Variants in SNX29 observed in about 807,000 individuals in gnomAD.
The protein encoded by SNX29 is sorting nexin-29.
In SNX29, 78 loss-of-function variants were observed where a neutral mutation model predicts 102.1. The observed-to-expected ratio is 0.76, with a 90% CI of 0.64 to 0.92. The LOEUF (loss-of-function observed/expected upper bound fraction) is 0.92, where lower values mean the gene tolerates loss of function less well. Among genes scored for constraint, SNX29 ranks in the 40% least tolerant of loss-of-function variants. The pLI is 0.00. For missense variants in SNX29, 1,280 were observed against 1,061.7 expected, an observed-to-expected ratio of 1.21 and a Z score of -2.86; for synonymous variants, 580 against 414.5, an observed-to-expected ratio of 1.40 and a Z score of -4.85.
At chr16:12,276,760 C>G (rs745391888) in intron 14 of SNX29, among the ~76,000 whole-genome samples, 1 of 152,120 alleles carries the variant, frequency 6.6e-6, no homozygotes. Context: ...CTATCTGGTT[C>G]ATTCTCAGCT....
intron 13 of SNX29, among the ~76,000 whole-genome samples, chr16:12,164,329 G>C (rs984230884): frequency 6.6e-6 from 1 of 152,148 alleles, no homozygotes; most frequent in African/African-American, 2.4e-5. Context: ...AAGATTTCTG[G>C]TTAATAGAGT....
rs540381190 is a variant in SNX29, at chr16:12,084,802, C to T, written c.1402+5887C>T. Among the ~76,000 whole-genome samples the T allele has an allele frequency of 1.5e-3, 224 of 152,248 alleles. 1 individual carries two copies. Among genetic ancestry groups the T allele is most frequent in the Admixed American group, 4.6e-3 (70 of 15,298 alleles). The stretch of plus-strand genomic sequence containing the variant: ...TCAATAAATAGGCCGGGTGCAGTGG[C>T]GCACACCTGTAATCCCAGCACTTTG... On this transcript the variant is annotated intron_variant, in intron 11 of 20. Coordinates refer to ENST00000566228, the MANE Select transcript of SNX29 (RefSeq NM_032167.5).
At chr16:12,213,104 ACT>A (rs1236877314) in intron 14 of SNX29, among the ~76,000 whole-genome samples, 1 of 152,050 alleles carries the variant, frequency 6.6e-6, no homozygotes, top group Non-Finnish European at 1.5e-5. Flanking sequence ...ACAGAGTGAG[ACT>A]CTGTCTCAAA....
intron 10 of SNX29, among the ~76,000 whole-genome samples, chr16:12,075,412 G>T (rs2151323755): frequency 6.6e-6 from 1 of 152,306 alleles, no homozygotes; most frequent in African/African-American, 2.4e-5. Flanking sequence ...GTCTGTTGGA[G>T]TTTGCTAGAG....
rs192117324 is a variant in SNX29 at position 12,566,382 on chromosome 16, C to G, written c.2319-2124C>G. ...CTCTCCTCTCCCAACCAACAAGGCA[C>G]TGGCCTCTCCCAGGCACTCTCAGAG... On this transcript the variant is annotated intron_variant, in intron 20 of 20. Transcript: ENST00000566228. Among the ~76,000 whole-genome samples the G allele has an allele frequency of 3.3e-4, 50 of 151,180 alleles. 1 individual carries two copies. In the East Asian group the frequency reaches 5.9e-3, roughly 18 times the overall value.
At chr16:12,535,895 C>T (rs372268072) in intron 20 of SNX29, among the ~76,000 whole-genome samples, 1 of 152,166 alleles carries the variant, frequency 6.6e-6, no homozygotes, top group East Asian at 1.9e-4. Flanking sequence ...ATCTCCCCTT[C>T]TTTGAGGTTA....
chr16:12,492,459 A>C (rs1266433974), intron 19 of SNX29, among the ~76,000 whole-genome samples: 2 of 151,766 alleles, frequency 1.3e-5, no homozygotes, highest in Non-Finnish European at 2.9e-5. Context: ...GGTTGCAAAA[A>C]TTTTCTCCCA....
At chr16:12,066,268 TGGTATGGA>T (rs2051032886) in intron 9 of SNX29, among the ~76,000 whole-genome samples, 2 of 152,160 alleles carry the variant, frequency 1.3e-5, no homozygotes, top group South Asian at 4.2e-4. Flanking sequence ...GCCTCTTAGA[TGGTATGGA>T]GCCTTTGGAC....
chr16:12,496,673 G>C (rs2088843998), intron 19 of SNX29, among the ~76,000 whole-genome samples: 1 of 152,020 alleles, frequency 6.6e-6, no homozygotes, highest in Admixed American at 6.6e-5. Context: ...ACCATGCCTG[G>C]CTAATTTTTG....
intron 14 of SNX29, among the ~76,000 whole-genome samples, chr16:12,236,655 C>T (rs1596587651): frequency 6.6e-6 from 1 of 152,230 alleles, no homozygotes; most frequent in African/African-American, 2.4e-5. Flanking sequence ...GTTGGAAAAC[C>T]AGCCACAGGC....
intron 18 of SNX29, among the ~76,000 whole-genome samples, chr16:12,443,872 G>A (rs1272778953): frequency 6.6e-6 from 1 of 152,250 alleles, no homozygotes; most frequent in Non-Finnish European, 1.5e-5. Context: ...TGGGATGAGT[G>A]AGTACCTTCT....
chr16:12,563,559 A>ACC (rs1396767306), intron 20 of SNX29, among the ~76,000 whole-genome samples: 1 of 152,022 alleles, frequency 6.6e-6, no homozygotes, highest in Admixed American at 6.5e-5. Context: ...TGAGGGGTCT[A>ACC]CCCCACCCCT....
At chr16:12,219,193 GC>G (rs1257461204) in intron 14 of SNX29, among the ~76,000 whole-genome samples, 1 of 152,070 alleles carries the variant, frequency 6.6e-6, no homozygotes, top group Non-Finnish European at 1.5e-5. Context: ...CGTGGGTGCA[GC>G]GTCCATCATT....
chr16:12,278,051 G>C lies in SNX29; in HGVS notation c.1782+15G>C, dbSNP rs372768905. 1 of 1,577,732 alleles carries C rather than the reference G, an allele frequency of 6.3e-7. No individual in the cohort carries two copies. Among genetic ancestry groups the C allele is most frequent in the Non-Finnish European group, 8.6e-7 (1 of 1,160,728 alleles). ...AGCTCATCGAGGTAAGGCCGGTGGA[G>C]TCTGTGTGTCTTTGTTTCTGATGTT... is the stretch of plus-strand genomic sequence containing the variant. On this transcript the variant is annotated intron_variant, in intron 15 of 20. Transcript: ENST00000566228.
At chr16:12,013,057 G>A (rs951135004) in intron 3 of SNX29, among the ~76,000 whole-genome samples, 7 of 151,782 alleles carry the variant, frequency 4.6e-5, no homozygotes, top group African/African-American at 1.5e-4. Context: ...TGGGAGAACC[G>A]GGGTTGGAGG....
intron 14 of SNX29, among the ~76,000 whole-genome samples, chr16:12,216,021 C>A (rs2077314230): frequency 2.6e-5 from 4 of 152,204 alleles, no homozygotes; most frequent in Non-Finnish European, 5.9e-5. Context: ...AGCAAGCAGG[C>A]ATACATCCTG....
At chr16:12,327,911 C>T (rs209837) in intron 15 of SNX29, among the ~76,000 whole-genome samples, 125,715 of 152,086 alleles carry the variant, frequency 0.83, 54,612 homozygotes, top group South Asian at 0.98. Context: ...CCATCCTGCT[C>T]ATGGCACCGT....
intron 15 of SNX29, among the ~76,000 whole-genome samples, chr16:12,331,284 T>C (rs1027736461): frequency 1.3e-5 from 2 of 152,224 alleles, no homozygotes; most frequent in African/African-American, 4.8e-5. Context: ...CTTCTCTACG[T>C]GCTCCAAGTG....
At chr16:12,524,113 C>G (rs974170754) in intron 19 of SNX29, among the ~76,000 whole-genome samples, 1 of 152,118 alleles carries the variant, frequency 6.6e-6, no homozygotes, top group Non-Finnish European at 1.5e-5. Context: ...CTCAAACTCC[C>G]AGCCTCAGGT....
Sources: gnomAD v4.1 joint callset for allele counts (sites outside exome capture counted in the v4.1 genomes callset) on GRCh38, gnomAD v4.1.1 for gene constraint, MANE v1.5 for transcripts, NCBI Gene and HGNC (gene_info 2026-07-23, HGNC 2026-07-21) for gene names.